DPYD: variants seen among roughly 807,000 people sequenced by gnomAD.
DPYD encodes the protein dihydropyrimidine dehydrogenase [NADP(+)].
In DPYD, 109 loss-of-function variants were observed where a neutral mutation model predicts 116.2. The observed-to-expected ratio is 0.94, with a 90% CI of 0.80 to 1.10. The LOEUF is 1.10. Among genes scored for constraint, DPYD ranks in the 50% least tolerant of loss-of-function variants. The probability of loss-of-function intolerance (pLI) is 0.00; values close to 1 mark genes in which losing one functional copy is unlikely to be tolerated. For missense variants in DPYD, 1,302 were observed against 1,254.5 expected, an observed-to-expected ratio of 1.04 and a Z score of -0.57; for synonymous variants, 440 against 432.0, an observed-to-expected ratio of 1.02 and a Z score of -0.23.
intron 20 of DPYD, among the ~76,000 whole-genome samples, chr1:97,147,690 C>T (rs1194432014): frequency 6.6e-6 from 1 of 152,166 alleles, no homozygotes; most frequent in East Asian, 1.9e-4. Flanking sequence ...GTAAGACTTA[C>T]ACATATTTCT....
At chr1:97,259,630 A>G (rs528452616) in intron 18 of DPYD, among the ~76,000 whole-genome samples, 5 of 152,262 alleles carry the variant, frequency 3.3e-5, no homozygotes, top group African/African-American at 1.2e-4. Context: ...TCAGTGTATA[A>G]GGTCAAGATG....
At chr1:97,593,151 A>T in intron 10 of DPYD, 67 bp downstream of exon 10, 1 of 1,548,808 alleles carries the variant, frequency 6.5e-7, no homozygotes, top group Non-Finnish European at 8.9e-7. Context: ...CGATTTAAAC[A>T]TTAACAGTTT....
At chr1:97,290,567 C>G (rs913378490) in intron 18 of DPYD, among the ~76,000 whole-genome samples, 3 of 152,054 alleles carry the variant, frequency 2.0e-5, no homozygotes, top group African/African-American at 4.8e-5. Context: ...AGAAACCTGA[C>G]AAAAACAAGA....
intron 22 of DPYD, among the ~76,000 whole-genome samples, 191 bp from the exon 23 acceptor site, chr1:97,079,337 T>C (rs146267044): frequency 6.6e-6 from 1 of 152,238 alleles, no homozygotes; most frequent in African/African-American, 2.4e-5. Context: ...AGAAATCCTT[T>C]TAAATTAAAA....
intron 21 of DPYD, among the ~76,000 whole-genome samples, chr1:97,083,524 T>C (rs572559504): frequency 5.3e-4 from 80 of 152,274 alleles, no homozygotes; most frequent in African/African-American, 1.9e-3. Context: ...TTGTGTATCT[T>C]TCAAGTGATA....
chr1:97,106,497 T>C (rs757740691), intron 20 of DPYD, among the ~76,000 whole-genome samples: 2 of 152,156 alleles, frequency 1.3e-5, no homozygotes, highest in Non-Finnish European at 2.9e-5. Context: ...TTATTCTTTC[T>C]TCTGGAGTGA....
chr1:97,269,891 C>T (rs1032802972), intron 18 of DPYD, among the ~76,000 whole-genome samples: 2 of 152,140 alleles, frequency 1.3e-5, no homozygotes, highest in Non-Finnish European at 2.9e-5. Flanking sequence ...CAGTACACAG[C>T]GCTCAATATC....
rs1233692924 is a variant in DPYD at position 97,226,492 on chromosome 1, C to A, written c.2442+8360G>T. 2.0e-5 allele frequency among the ~76,000 whole-genome samples: 3 copies of A among 151,896 alleles called. 1 individual carries two copies. The highest frequency in any genetic ancestry group is 1.3e-4 in the Admixed American group (2 of 15,264). On this transcript the variant is annotated intron_variant, in intron 19 of 22. Transcript: ENST00000370192. ...ATGTAGGAAACTCGGAAGCCTCCAC[C>A]AAAAAACAGAACAGTTAGAATAAAT...
At chr1:97,639,165 C>T (rs1244470102) in intron 8 of DPYD, among the ~76,000 whole-genome samples, 5 of 152,040 alleles carry the variant, frequency 3.3e-5, no homozygotes, top group Admixed American at 6.6e-5. Context: ...GTAAGGCACA[C>T]AGTTTTAAAT....
chr1:97,663,455 T>C lies in DPYD; in HGVS notation c.850+15640A>G, dbSNP rs529632832. Among the ~76,000 whole-genome samples, 6 of 152,286 alleles carry C rather than the reference T, an allele frequency of 3.9e-5. No homozygotes were observed. The East Asian group carries it at 9.6e-4, about 24-fold the overall frequency. On this transcript the variant is annotated intron_variant, in intron 8 of 22. Coordinates refer to ENST00000370192, the MANE Select transcript of DPYD (RefSeq NM_000110.4). Reference sequence around the variant, plus strand: ...TAATCAGTAACCAAGACTCATTCATTGTATTTCCTTATGTTTGTTTCCTGC... The same window carrying C: ...TAATCAGTAACCAAGACTCATTCATCGTATTTCCTTATGTTTGTTTCCTGC...
At chr1:97,755,144 C>T (rs55914037) in intron 3 of DPYD, among the ~76,000 whole-genome samples, 3,933 of 152,218 alleles carry the variant, frequency 0.026, 76 homozygotes, top group Middle Eastern at 0.044. Context: ...GTCTCAAGAA[C>T]AACTATAGCA....
intron 18 of DPYD, among the ~76,000 whole-genome samples, chr1:97,303,143 A>G (rs938906708): frequency 1.3e-5 from 2 of 152,052 alleles, no homozygotes; most frequent in Non-Finnish European, 2.9e-5. Flanking sequence ...GAGAAAAATA[A>G]TAACAATTGA....
At chr1:97,222,560 G>T (rs1660845729) in intron 19 of DPYD, among the ~76,000 whole-genome samples, 1 of 151,970 alleles carries the variant, frequency 6.6e-6, no homozygotes, top group Admixed American at 6.6e-5. Context: ...CTAGAATCAA[G>T]ATGCTTTTTA....
intron 16 of DPYD, among the ~76,000 whole-genome samples, chr1:97,312,289 G>A (rs377377643): frequency 6.6e-6 from 1 of 151,842 alleles, no homozygotes; most frequent in Non-Finnish European, 1.5e-5. Flanking sequence ...AGGTTGCAAA[G>A]AAACAGGCAT....
intron 10 of DPYD, among the ~76,000 whole-genome samples, chr1:97,592,584 G>T (rs1168861081): frequency 6.6e-6 from 1 of 152,080 alleles, no homozygotes; most frequent in African/African-American, 2.4e-5. Context: ...AGTCAGGATG[G>T]TCTTGATCTC....
At chr1:97,565,140 T>C (rs146817215) in intron 11 of DPYD, among the ~76,000 whole-genome samples, 1 of 152,184 alleles carries the variant, frequency 6.6e-6, no homozygotes, top group Non-Finnish European at 1.5e-5. Context: ...CATAACGGCA[T>C]TTACTGTGTG....
At chr1:97,592,599 C>A (rs1026272924) in intron 10 of DPYD, among the ~76,000 whole-genome samples, 3 of 152,138 alleles carry the variant, frequency 2.0e-5, no homozygotes, top group Admixed American at 1.3e-4. Flanking sequence ...GATCTCCTGA[C>A]CTTGTGATCC....
chr1:97,296,853 C>T (rs548020397), intron 18 of DPYD, among the ~76,000 whole-genome samples: 2 of 152,046 alleles, frequency 1.3e-5, no homozygotes, highest in Admixed American at 6.6e-5. Flanking sequence ...TTTGTTAGAG[C>T]ATGTTTATGA....
intron 20 of DPYD, among the ~76,000 whole-genome samples, chr1:97,190,582 A>G (rs575960021): frequency 6.6e-6 from 1 of 152,326 alleles, no homozygotes; most frequent in South Asian, 2.1e-4. Flanking sequence ...TTGCAGGCAC[A>G]GATTTTAATG....
Sources: gnomAD v4.1 joint callset for allele counts (sites outside exome capture counted in the v4.1 genomes callset) on GRCh38, gnomAD v4.1.1 for gene constraint, MANE v1.5 for transcripts, NCBI Gene and HGNC (gene_info 2026-07-23, HGNC 2026-07-21) for gene names.